Variants in RBPJ observed in about 807,000 individuals in gnomAD.
RBPJ encodes recombining binding protein suppressor of hairless.
RBPJ carries 9 observed loss-of-function variants against 67.8 expected under a neutral mutation model. The observed-to-expected ratio is 0.13, with a 90% CI of 0.08 to 0.23. The LOEUF (loss-of-function observed/expected upper bound fraction) is 0.23, where lower values mean the gene tolerates loss of function less well. Ranked by LOEUF, RBPJ falls within the 10% of genes least tolerant of loss-of-function variation. The probability of loss-of-function intolerance (pLI) is 1.00; values close to 1 mark genes in which losing one functional copy is unlikely to be tolerated. For synonymous variants in RBPJ, 198 were observed against 203.3 expected (o/e 0.97, Z 0.22); for missense variants, 305 against 595.6 (o/e 0.51, Z 5.08).
chr4:26,218,682 C>T (rs552540943), intron 1 of RBPJ, among the ~76,000 whole-genome samples: 1 of 152,176 alleles, frequency 6.6e-6, no homozygotes, highest in Non-Finnish European at 1.5e-5. Context: ...CCCTCGGCCT[C>T]GCCACTGTGG....
At chr4:26,255,740 T>C (rs1720317516) in intron 1 of RBPJ, among the ~76,000 whole-genome samples, 1 of 147,870 alleles carries the variant, frequency 6.8e-6, no homozygotes, top group Admixed American at 6.9e-5. Context: ...AGGCAGAGCT[T>C]GCAGTGAGCC....
chr4:26,389,501 T>G (rs1301812739), intron 2 of RBPJ, among the ~76,000 whole-genome samples: 1 of 148,774 alleles, frequency 6.7e-6, no homozygotes, highest in African/African-American at 2.5e-5. Context: ...TATTAAAAAT[T>G]GAAAGAATTT....
At chr4:26,316,482 C>CATATTCATATATATATTCATAT (rs1560258311), upstream of RBPJ, among the ~76,000 whole-genome samples, 36 of 73,824 alleles carry the variant, frequency 4.9e-4, no homozygotes, top group East Asian at 0.02. Context: ...TTCATATATA[C>CATATTCATATATATATTCATAT]ATATTCATAT....
At chr4:26,206,822 C>T (rs1207309707) in intron 1 of RBPJ, among the ~76,000 whole-genome samples, 1 of 150,088 alleles carries the variant, frequency 6.7e-6, no homozygotes, top group Non-Finnish European at 1.5e-5. Context: ...ACAAGAAATA[C>T]AGCCAAGAAA....
At chr4:26,202,939 GAGAAAGGAAGGA>G (rs1577467624) in intron 1 of RBPJ, among the ~76,000 whole-genome samples, 2 of 138,600 alleles carry the variant, frequency 1.4e-5, no homozygotes, top group Admixed American at 1.5e-4. Flanking sequence ...GAGAGAAAGA[GAGAAAGGAAGGA>G]AGAAAGGAAG....
intron 1 of RBPJ, among the ~76,000 whole-genome samples, chr4:26,234,096 T>C (rs1404800117): frequency 6.6e-6 from 1 of 152,204 alleles, no homozygotes; most frequent in African/African-American, 2.4e-5. Flanking sequence ...CTTTTGCAAA[T>C]ATTTTTAGAT....
chr4:26,145,486 CA>C, the RBPJ span, among the ~76,000 whole-genome samples: 1 of 152,190 alleles, frequency 6.6e-6, no homozygotes, highest in Non-Finnish European at 1.5e-5. Context: ...TCTTCGAGTC[CA>C]GTGCAAATAT....
chr4:26,335,189 T>C (rs939958128), intron 1 of RBPJ, among the ~76,000 whole-genome samples: 1 of 152,268 alleles, frequency 6.6e-6, no homozygotes, highest in East Asian at 1.9e-4. Context: ...ATTATTATTA[T>C]TATTGTTTTC....
the RBPJ span, among the ~76,000 whole-genome samples, chr4:26,111,522 C>A: frequency 6.6e-6 from 1 of 152,218 alleles, no homozygotes; most frequent in African/African-American, 2.4e-5. Context: ...GCATGTTCTG[C>A]ATGGCTGGCT....
chr4:26,115,936 G>A, the RBPJ span, among the ~76,000 whole-genome samples: 23 of 124,646 alleles, frequency 1.8e-4, no homozygotes, highest in Admixed American at 9.1e-4. Context: ...GATGAAAAGT[G>A]GTGGTATGTT....
chr4:26,105,911 A>G, the RBPJ span, among the ~76,000 whole-genome samples: 1 of 152,356 alleles, frequency 6.6e-6, no homozygotes, highest in Admixed American at 6.5e-5. Context: ...GACTGCAAGC[A>G]AATCTGTGCA....
intron 1 of RBPJ, among the ~76,000 whole-genome samples, chr4:26,378,061 T>C (rs1729942356): frequency 6.6e-6 from 1 of 152,130 alleles, no homozygotes; most frequent in Non-Finnish European, 1.5e-5. Context: ...ACTGGGTGAC[T>C]TTTTGCTGTG....
intron 1 of RBPJ, among the ~76,000 whole-genome samples, chr4:26,268,673 T>C (rs1159392009): frequency 1.3e-5 from 2 of 152,076 alleles, no homozygotes; most frequent in African/African-American, 4.8e-5. Context: ...TTTTTTTTTT[T>C]CCTCTCTCAC....
At chr4:26,336,792 A>T (rs1724881771) in intron 1 of RBPJ, among the ~76,000 whole-genome samples, 1 of 152,202 alleles carries the variant, frequency 6.6e-6, no homozygotes, top group Non-Finnish European at 1.5e-5. Flanking sequence ...AAATAACAAA[A>T]TATAAAAAGG....
intron 1 of RBPJ, among the ~76,000 whole-genome samples, chr4:26,261,949 T>C (rs550579441): frequency 1.3e-5 from 2 of 152,338 alleles, no homozygotes; most frequent in South Asian, 2.1e-4. Context: ...TTAAAATTTT[T>C]ATCTTTTTGT....
chr4:26,264,244 TAATC>T lies in RBPJ; in HGVS notation c.-166-98198_-166-98195del, dbSNP rs531009147. Among the ~76,000 whole-genome samples the T allele has an allele frequency of 3.1e-3, 469 of 152,338 alleles. 3 individuals carry two copies. Among genetic ancestry groups the T allele is most frequent in the African/African-American group, 0.011 (451 of 41,578 alleles). On this transcript the variant is annotated intron_variant, in intron 1 of 4. Transcript: ENST00000512351. The surrounding 1 kb of genome is among the most constrained non-coding windows in gnomAD (Gnocchi z 4.1). ...AGCTTCAACAAATTATGTGTTGAAT[TAATC>T]AATGAATACTTATTAATTCAAATCA...
At position 26,326,251 on chromosome 4, in the gene RBPJ, G is replaced by A. The variant is rs1723618216; in HGVS notation, c.20+5203G>A. 2.0e-5 allele frequency among the ~76,000 whole-genome samples: 3 copies of A among 151,998 alleles called. No homozygotes were observed. The South Asian group carries it at 6.2e-4, about 31-fold the overall frequency. The stretch of plus-strand genomic sequence containing the variant: ...AGGAGTAATTGCTGAAGTACCCAGA[G>A]GAATTGATATTTTCAGCCACAAGCA... On this transcript the variant is annotated intron_variant, in intron 1 of 10. Transcript: ENST00000355476.
intron 1 of RBPJ, among the ~76,000 whole-genome samples, chr4:26,312,521 C>G (rs1272774734): frequency 6.6e-6 from 1 of 152,136 alleles, no homozygotes; most frequent in Non-Finnish European, 1.5e-5. Flanking sequence ...ATAGCAGATG[C>G]TCTTTCACAC....
rs200087130 is a variant in RBPJ at position 26,287,566 on chromosome 4, AAGGAAAGGAAAGGAC to A, written c.-166-74875_-166-74861del. On this transcript the variant is annotated intron_variant, in intron 1 of 4. Transcript: ENST00000512351. ...AGACCTTGCCTCGGAAAGGAAAGGA[AAGGAAAGGAAAGGAC>A]AGGAGAGGAGAGGGGAGGGGAGGGG... Among the ~76,000 whole-genome samples the A allele has an allele frequency of 7.6e-3, 319 of 41,858 alleles. 4 individuals carry two copies. The highest frequency in any genetic ancestry group is 0.043 in the African/African-American group (306 of 7,118). 27.5% of individuals were successfully genotyped at this position (41,858 alleles called of 152,430 possible).
Sources: gnomAD v4.1 joint callset for allele counts (sites outside exome capture counted in the v4.1 genomes callset) on GRCh38, gnomAD v4.1.1 for gene constraint, Gnocchi (gnomAD v3.1) non-coding constraint, MANE v1.5 for transcripts, NCBI Gene and HGNC (gene_info 2026-07-23, HGNC 2026-07-21) for gene names.